NEO1: variants seen among roughly 807,000 people sequenced by gnomAD.
The protein encoded by NEO1 is neogenin.
Under a neutral mutation model 159.7 loss-of-function variants are expected in NEO1, and 63 were observed. That is an observed-to-expected ratio of 0.39 (90% CI 0.32 to 0.49). NEO1 has a LOEUF of 0.49. NEO1 is among the 20% of genes least tolerant of loss of function. NEO1 has a pLI of 0.85. For missense variants in NEO1, 1,615 were observed against 1,831.0 expected (o/e 0.88, Z 2.15); for synonymous variants, 633 against 662.0 (o/e 0.96, Z 0.67).
At chr15:73,155,243 G>A (rs756419133) in intron 5 of NEO1, among the ~76,000 whole-genome samples, 2 of 151,978 alleles carry the variant, frequency 1.3e-5, no homozygotes, top group African/African-American at 2.4e-5. Flanking sequence ...GATGGTGGTG[G>A]TGGTGGTTTT....
intron 1 of NEO1, among the ~76,000 whole-genome samples, chr15:73,095,638 A>G (rs1595963530): frequency 6.6e-6 from 1 of 150,970 alleles, no homozygotes; most frequent in Admixed American, 6.6e-5. Flanking sequence ...TTGGTTCTAT[A>G]GCATTCACGA....
intron 21 of NEO1, among the ~76,000 whole-genome samples, chr15:73,277,280 A>G (rs1322540714): frequency 6.6e-6 from 1 of 152,248 alleles, no homozygotes; most frequent in Non-Finnish European, 1.5e-5. Context: ...TATAAACCTT[A>G]GATTGACACC....
At chr15:73,121,534 A>G (rs924635277) in intron 2 of NEO1, among the ~76,000 whole-genome samples, 1 of 152,168 alleles carries the variant, frequency 6.6e-6, no homozygotes, top group African/African-American at 2.4e-5. Flanking sequence ...GTTAATAATG[A>G]GTATTTTGGG....
intron 8 of NEO1, among the ~76,000 whole-genome samples, chr15:73,244,115 C>T (rs570722716): frequency 2.6e-5 from 4 of 152,260 alleles, no homozygotes; most frequent in African/African-American, 4.8e-5. Flanking sequence ...TTATGGTCAG[C>T]GATATCAGTA....
chr15:73,222,092 T>TTTTTTTC, intron 7 of NEO1: 1 of 37,582 alleles, frequency 2.7e-5, no homozygotes. Flanking sequence ...CTGTTGGTAA[T>TTTTTTTC]TTTTTTTTTT....
At position 73,116,560 on chromosome 15, in the gene NEO1, A is replaced by G. The variant is rs747890527; in HGVS notation, c.151A>G (p.Thr51Ala). 4 of 1,536,546 alleles carry G rather than the reference A, an allele frequency of 2.6e-6. No individual in the cohort carries two copies. In the African/African-American group the frequency reaches 5.6e-5, roughly 21 times the overall value. Reference sequence around the variant, plus strand: ...TGTAGGAGCCAGCATTCGAACGTTCACTCCATTTTATTTTCTGGTGGAGCC... The same window carrying G: ...TGTAGGAGCCAGCATTCGAACGTTCGCTCCATTTTATTTTCTGGTGGAGCC... ...QSPGASIRTF[T>A]PFYFLVEPVD... Residue 51 changes from threonine to alanine, a missense_variant, in exon 2 of 29, where the codon ACT becomes GCT. Physicochemically the swap from Thr to Ala is moderately conservative, Grantham distance 58. Transcript: ENST00000261908.
intron 4 of NEO1, among the ~76,000 whole-genome samples, chr15:73,127,683 AAAGT>A (rs776618140): frequency 2.0e-5 from 3 of 152,266 alleles, no homozygotes; most frequent in East Asian, 1.9e-4. Flanking sequence ...ACGTTTTTAA[AAAGT>A]AAGAAGTACA....
intron 5 of NEO1, among the ~76,000 whole-genome samples, chr15:73,171,345 T>G (rs995248567): frequency 6.6e-6 from 1 of 152,030 alleles, no homozygotes; most frequent in Non-Finnish European, 1.5e-5. Flanking sequence ...GGAGGATCGC[T>G]TGAGCCCAGG....
chr15:73,289,118 G>A (rs972736906), intron 24 of NEO1, 28 bp from the exon 25 acceptor site: 1 of 1,599,798 alleles, frequency 6.3e-7, no homozygotes, highest in Non-Finnish European at 8.6e-7. Flanking sequence ...GCACATGCTG[G>A]TAACTAACCT....
chr15:73,154,951 C>G (rs1308114882), intron 5 of NEO1, among the ~76,000 whole-genome samples: 1 of 148,676 alleles, frequency 6.7e-6, no homozygotes, highest in Non-Finnish European at 1.5e-5. Flanking sequence ...TGATGGAATT[C>G]TGTTGTGTTG....
At chr15:73,130,158 G>C (rs1425263534) in intron 4 of NEO1, among the ~76,000 whole-genome samples, 2 of 152,066 alleles carry the variant, frequency 1.3e-5, no homozygotes, top group East Asian at 3.8e-4. Context: ...ATTTTTCATA[G>C]AGACGGGGTT....
chr15:73,236,738 G>A (rs2039195467), intron 8 of NEO1, among the ~76,000 whole-genome samples: 1 of 152,126 alleles, frequency 6.6e-6, no homozygotes, highest in African/African-American at 2.4e-5. Context: ...CTATTGAGGT[G>A]GACGTATTTA....
chr15:73,220,797 C>G (rs2038201326), intron 7 of NEO1, among the ~76,000 whole-genome samples: 1 of 152,172 alleles, frequency 6.6e-6, no homozygotes, highest in Non-Finnish European at 1.5e-5. Flanking sequence ...AAGCACTTCT[C>G]TGTATTGGTT....
chr15:73,077,204 T>C (rs2068813605), intron 1 of NEO1, among the ~76,000 whole-genome samples: 1 of 152,158 alleles, frequency 6.6e-6, no homozygotes, highest in Non-Finnish European at 1.5e-5. Flanking sequence ...CCACCACGCC[T>C]GGCTAATTTT....
At chr15:73,261,054 C>G (rs2040596585) in intron 15 of NEO1, among the ~76,000 whole-genome samples, 1 of 152,032 alleles carries the variant, frequency 6.6e-6, no homozygotes. Flanking sequence ...TTCTTTCACC[C>G]CTATGAAGAG....
At chr15:73,246,913 T>C (rs2039823895) in intron 9 of NEO1, among the ~76,000 whole-genome samples, 1 of 152,190 alleles carries the variant, frequency 6.6e-6, no homozygotes, top group African/African-American at 2.4e-5. Flanking sequence ...GTGCCCACCA[T>C]GTGTCAGCCA....
At chr15:73,150,181 T>A (rs1203807936) in intron 5 of NEO1, among the ~76,000 whole-genome samples, 1 of 152,242 alleles carries the variant, frequency 6.6e-6, no homozygotes, top group East Asian at 1.9e-4. Context: ...AGATGGTTGT[T>A]CTGTGCCATT....
At chr15:73,170,718 G>A (rs114723638) in intron 5 of NEO1, among the ~76,000 whole-genome samples, 1 of 152,168 alleles carries the variant, frequency 6.6e-6, no homozygotes, top group Admixed American at 6.5e-5. Flanking sequence ...AAACGTAAGT[G>A]AAGGGAAAAA....
chr15:73,272,037 G>A (rs980745192), intron 18 of NEO1, among the ~76,000 whole-genome samples: 3 of 152,038 alleles, frequency 2.0e-5, no homozygotes, highest in African/African-American at 7.2e-5. Context: ...CATCTTGGAC[G>A]AATTACATAA....
Sources: allele counts gnomAD v4.1 joint callset (sites outside exome capture counted in the v4.1 genomes callset), GRCh38; gene constraint gnomAD v4.1.1; transcripts MANE v1.5; gene names NCBI Gene and HGNC (gene_info 2026-07-23, HGNC 2026-07-21).